XPO6: variants seen among roughly 807,000 people sequenced by gnomAD.
XPO6 encodes exportin-6.
In XPO6, 3 loss-of-function variants were observed where a neutral mutation model predicts 130.0. That is an observed-to-expected ratio of 0.02 (90% CI 0.01 to 0.06). The LOEUF (loss-of-function observed/expected upper bound fraction) is 0.06, where lower values mean the gene tolerates loss of function less well. Ranked by LOEUF, XPO6 falls within the 10% of genes least tolerant of loss-of-function variation. The pLI is 1.00. For missense variants in XPO6, 970 were observed against 1,393.0 expected (o/e 0.70, Z 4.83); for synonymous variants, 524 against 548.9 (o/e 0.95, Z 0.63).
intron 2 of XPO6, among the ~76,000 whole-genome samples, chr16:28,177,808 T>C (rs776666711): frequency 8.5e-5 from 13 of 152,078 alleles, no homozygotes; most frequent in Non-Finnish European, 1.5e-4. Flanking sequence ...AGACTAATTC[T>C]ACAAAGATAG....
chr16:28,106,601 T>C lies in XPO6; in HGVS notation c.2498-104A>G. 1.2e-6 allele frequency: 1 copy of C among 842,784 alleles called. No homozygotes were observed. The highest frequency in any genetic ancestry group is 2.4e-4 in the Middle Eastern group (1 of 4,252). The allele number at this position is 842,784 out of a possible 1,614,324, so 52.2% of individuals were successfully genotyped here. ...TGAAATCTGCACTATCAGCTTTCTC[T>C]ACAGCTTCCTGCTGGAAACATTTCC... On this transcript the variant is annotated intron_variant, in intron 18 of 23. Transcript: ENST00000304658. The surrounding 1 kb of genome is among the most constrained non-coding windows in gnomAD (Gnocchi z 4.2).
intron 7 of XPO6, among the ~76,000 whole-genome samples, chr16:28,155,054 C>A (rs1054986478): frequency 6.6e-6 from 1 of 152,092 alleles, no homozygotes; most frequent in Non-Finnish European, 1.5e-5. Context: ...ATCTTATGTA[C>A]CAATTTTTTA....
chr16:28,139,231 T>C (rs2042839643), intron 9 of XPO6, among the ~76,000 whole-genome samples: 1 of 152,312 alleles, frequency 6.6e-6, no homozygotes, highest in African/African-American at 2.4e-5. Context: ...TTTCCTCACA[T>C]GCACACAAGA....
In XPO6 at chr16:28,113,025, G is replaced by A. The variant is rs1050148366; in HGVS notation, c.2030C>T (p.Ala677Val). The part of the protein sequence containing the change: ...TKVQDKLLLS[A>V]CHLLVSLATT... ...GGCCAGTGAGACCAGTAAGTGGCACGCAGATAGCAGCAGCTTGTCTTGGAC... is the reference window on the plus strand; with the variant it reads ...GGCCAGTGAGACCAGTAAGTGGCACACAGATAGCAGCAGCTTGTCTTGGAC... The change falls in exon 16 of 24, where the codon GCG becomes GTG. Residue 677 changes from alanine (A) to valine (V), a missense_variant. This residue lies in a region of XPO6 where 936 missense variants were observed against 1,306.8 expected (regional missense o/e 0.72). Transcript: ENST00000304658. The A allele has an allele frequency of 6.2e-6, 10 of 1,614,030 alleles. No individual in the cohort carries two copies. Among genetic ancestry groups the A allele is most frequent in the Admixed American group, 3.3e-5 (2 of 60,014 alleles).
chr16:28,125,158 C>G (rs2087362613), intron 13 of XPO6, among the ~76,000 whole-genome samples: 1 of 152,150 alleles, frequency 6.6e-6, no homozygotes, highest in Non-Finnish European at 1.5e-5. Flanking sequence ...ACCTTTCGGG[C>G]CAGGCGTGGA....
At chr16:28,185,872 T>C (rs1173710289) in intron 1 of XPO6, among the ~76,000 whole-genome samples, 1 of 152,214 alleles carries the variant, frequency 6.6e-6, no homozygotes, top group African/African-American at 2.4e-5. Context: ...AATATACTCT[T>C]GGAGAGCTCT....
chr16:28,161,408 T>C (rs1452657474), intron 6 of XPO6, among the ~76,000 whole-genome samples: 12 of 152,138 alleles, frequency 7.9e-5, no homozygotes. Context: ...CCTCCGCCAT[T>C]ATAATGAGGA....
rs529248825 is a variant in XPO6, at chr16:28,152,879, C to T, written c.1098-94G>A. 3.7e-4 allele frequency: 548 copies of T among 1,489,900 alleles called. 2 individuals carry two copies. In the African/African-American group the frequency reaches 7.1e-3, roughly 19 times the overall value. The allele number at this position is 1,489,900 out of a possible 1,614,324, so 92.3% of individuals were successfully genotyped here. A position where few individuals can be genotyped will look rare whatever the true frequency, so the allele number is the denominator to read the frequency against. On this transcript the variant is annotated intron_variant, in intron 7 of 23. Coordinates refer to ENST00000304658, the MANE Select transcript of XPO6 (RefSeq NM_015171.4). ...AAAGTTCTTTCAGTACAGAACTATA[C>T]AAATTTGTAATATATTTTCTTTTAA...
chr16:28,121,888 C>T (rs984352097), intron 13 of XPO6, 126 bp from the exon 14 acceptor site: 22 of 627,818 alleles, frequency 3.5e-5, no homozygotes, highest in Non-Finnish European at 6.0e-5. Flanking sequence ...AGAATCAAGA[C>T]CAGACTTTCA....
chr16:28,208,286 G>T (rs2044065777), intron 1 of XPO6, among the ~76,000 whole-genome samples: 2 of 152,156 alleles, frequency 1.3e-5, no homozygotes, highest in South Asian at 2.1e-4. Flanking sequence ...TGTTAAAAGG[G>T]CTCAAACTTA....
intron 23 of XPO6, 95 bp from the exon 24 acceptor site, chr16:28,098,734 G>A (rs571747586): frequency 2.4e-6 from 2 of 847,332 alleles, no homozygotes; most frequent in Admixed American, 5.2e-5. Flanking sequence ...GTGCACTGAA[G>A]ATAGGGGAGC....
chr16:28,122,521 G>C (rs1361150031), intron 13 of XPO6, among the ~76,000 whole-genome samples: 2 of 151,960 alleles, frequency 1.3e-5, no homozygotes, highest in Non-Finnish European at 2.9e-5. Flanking sequence ...AGGCTAAGTA[G>C]GGAGGACTGC....
intron 17 of XPO6, among the ~76,000 whole-genome samples, chr16:28,109,443 G>C (rs1313942781): frequency 2.0e-5 from 3 of 151,900 alleles, no homozygotes; most frequent in Admixed American, 2.0e-4. Context: ...CACCTGCCAA[G>C]CACCTTCCCA....
intron 21 of XPO6, among the ~76,000 whole-genome samples, chr16:28,104,115 C>T (rs1298700568): frequency 6.6e-6 from 1 of 152,156 alleles, no homozygotes; most frequent in Non-Finnish European, 1.5e-5. Flanking sequence ...ATGCTCCCTC[C>T]CAGGGCAGTG....
At chr16:28,153,920 G>C (rs776031900) in intron 7 of XPO6, 1 of 985,272 alleles carries the variant, frequency 1.0e-6, no homozygotes. Flanking sequence ...ATCTCCCTGA[G>C]GGTGGCCAGC....
intron 9 of XPO6, among the ~76,000 whole-genome samples, chr16:28,141,984 A>C (rs1325562076): frequency 6.6e-6 from 1 of 152,238 alleles, no homozygotes; most frequent in Non-Finnish European, 1.5e-5. Flanking sequence ...AGGACCAAAA[A>C]TAAATCTATG....
intron 1 of XPO6, among the ~76,000 whole-genome samples, chr16:28,197,613 T>G (rs1567649872): frequency 6.6e-6 from 1 of 151,946 alleles, no homozygotes; most frequent in Non-Finnish European, 1.5e-5. Flanking sequence ...TGTGATGAAG[T>G]GCCTTAAAAA....
At position 28,106,022 on chromosome 16, in the gene XPO6, G is replaced by A. The variant is rs760188016; in HGVS notation, c.2784+21C>T. ...ATCTGGAGATGGGGGGTGCTGCACA[G>A]GGGACCGTCTGAGCCCCTACCTCGG... On this transcript the variant is annotated intron_variant, in intron 20 of 23. Transcript: ENST00000304658. The surrounding 1 kb of genome is among the most constrained non-coding windows in gnomAD (Gnocchi z 4.2). 9.9e-6 allele frequency: 16 copies of A among 1,608,228 alleles called. No individual in the cohort carries two copies. The highest frequency in any genetic ancestry group is 3.4e-6 in the Non-Finnish European group (4 of 1,175,234).
intron 5 of XPO6, chr16:28,167,377 T>C (rs933875323): frequency 4.1e-6 from 4 of 985,328 alleles, no homozygotes; most frequent in African/African-American, 1.7e-5. Flanking sequence ...GCTGACCTCA[T>C]CTAGCCTCAC....
Sources: gnomAD v4.1 joint callset for allele counts (sites outside exome capture counted in the v4.1 genomes callset) on GRCh38, gnomAD v4.1.1 for gene constraint, gnomAD v4.1.1 regional missense constraint, Gnocchi (gnomAD v3.1) non-coding constraint, MANE v1.5 for transcripts, NCBI Gene and HGNC (gene_info 2026-07-23, HGNC 2026-07-21) for gene names.